Variants in BOLL observed in about 807,000 individuals in gnomAD.
BOLL encodes protein boule-like.
A neutral mutation model predicts 44.4 loss-of-function variants in BOLL; 23 were observed. The ratio of observed to expected loss-of-function variants is 0.52; its 90% CI spans 0.37 to 0.73. The LOEUF is 0.73. BOLL is among the 30% of genes least tolerant of loss of function. The pLI is 0.00. For missense variants in BOLL, 287 were observed against 338.3 expected (o/e 0.85, Z 1.19); for synonymous variants, 97 against 110.8 (o/e 0.88, Z 0.78).
chr2:197,728,538 A>G lies in BOLL; in HGVS notation c.*17T>C, dbSNP rs758757227. 1.2e-5 allele frequency: 20 copies of G among 1,613,938 alleles called. No individual in the cohort carries two copies. The highest frequency in any genetic ancestry group is 4.2e-6 in the Non-Finnish European group (5 of 1,179,890). ...GACAAGAAATCAGTTGAGCTGGAAT[A>G]GAGCTGCCCAATTGTCTTAATAATG... On this transcript the variant is annotated 3_prime_UTR_variant, in exon 11 of 11. Transcript: ENST00000392296.
At chr2:197,783,244 C>G (rs1170327875) in intron 1 of BOLL, among the ~76,000 whole-genome samples, 1 of 152,090 alleles carries the variant, frequency 6.6e-6, no homozygotes, top group Non-Finnish European at 1.5e-5. Flanking sequence ...TGCTTGAGAT[C>G]AGGAGTTCGA....
chr2:197,736,183 A>G (rs1687477301), intron 10 of BOLL, among the ~76,000 whole-genome samples: 2 of 152,170 alleles, frequency 1.3e-5, no homozygotes. Flanking sequence ...TGATAAGGGC[A>G]TATCACCTCT....
chr2:197,732,132 C>T lies in BOLL; in HGVS notation c.829-3554G>A, dbSNP rs1043973016. On this transcript the variant is annotated intron_variant, in intron 10 of 10. Coordinates refer to ENST00000392296, the MANE Select transcript of BOLL (RefSeq NM_033030.6). ...ATAAAAAATGATAAAGGGGATATCA[C>T]CACCGAGCCCACAGAAATACAAACT... 1.8e-3 allele frequency among the ~76,000 whole-genome samples: 279 copies of T among 151,480 alleles called. 1 individual carries two copies. Among genetic ancestry groups the T allele is most frequent in the African/African-American group, 6.5e-3 (267 of 41,216 alleles).
intron 10 of BOLL, among the ~76,000 whole-genome samples, chr2:197,735,891 G>T (rs1466540354): frequency 6.6e-6 from 1 of 152,036 alleles, no homozygotes; most frequent in Admixed American, 6.6e-5. Context: ...CACCCTAGAG[G>T]TTTTCTTCTA....
chr2:197,774,691 C>T (rs1689428546), intron 5 of BOLL: 1 of 151,868 alleles, frequency 6.6e-6, no homozygotes, highest in Non-Finnish European at 1.5e-5. Context: ...TTGCAAGTAA[C>T]AACAGTAGAT....
intron 9 of BOLL, among the ~76,000 whole-genome samples, chr2:197,750,717 TG>T (rs566024887): frequency 4.6e-5 from 7 of 152,178 alleles, no homozygotes; most frequent in Non-Finnish European, 1.0e-4. Context: ...AACACCCCAC[TG>T]TCAATATTAG....
At chr2:197,758,460 C>T (rs996824699) in intron 7 of BOLL, among the ~76,000 whole-genome samples, 12 of 152,090 alleles carry the variant, frequency 7.9e-5, no homozygotes, top group African/African-American at 2.9e-4. Flanking sequence ...CCAGAATAGG[C>T]AAATCTAGAA....
chr2:197,734,895 G>C (rs1329636602), intron 10 of BOLL, among the ~76,000 whole-genome samples: 2 of 152,008 alleles, frequency 1.3e-5, no homozygotes, highest in Non-Finnish European at 2.9e-5. Flanking sequence ...CATGGCACAC[G>C]TATACATATG....
At chr2:197,768,989 C>T (rs1689115857) in intron 6 of BOLL, among the ~76,000 whole-genome samples, 1 of 151,590 alleles carries the variant, frequency 6.6e-6, no homozygotes, top group East Asian at 1.9e-4. Context: ...GTTGAACCAG[C>T]CTTGCATCCC....
chr2:197,783,874 T>C (rs1044409909), intron 1 of BOLL, among the ~76,000 whole-genome samples: 16 of 152,202 alleles, frequency 1.1e-4, no homozygotes, highest in African/African-American at 3.4e-4. Flanking sequence ...ACCTATTTGC[T>C]AAATTTAAAA....
At chr2:197,771,823 A>T (rs772702045) in intron 6 of BOLL, 32 bp downstream of exon 6, 11 of 1,512,790 alleles carry the variant, frequency 7.3e-6, no homozygotes, top group Middle Eastern at 3.4e-4. Flanking sequence ...ATAGTAATAG[A>T]TGGAAATCCT....
intron 10 of BOLL, among the ~76,000 whole-genome samples, chr2:197,738,687 G>T (rs1014431533): frequency 5.9e-5 from 9 of 152,084 alleles, no homozygotes; most frequent in African/African-American, 1.7e-4. Context: ...TAACATTCAT[G>T]AGTTGTAATC....
At chr2:197,743,982 T>A (rs1687878562) in intron 9 of BOLL, among the ~76,000 whole-genome samples, 2 of 152,104 alleles carry the variant, frequency 1.3e-5, no homozygotes, top group Non-Finnish European at 2.9e-5. Flanking sequence ...GCTAATTTTT[T>A]GTATTTTTAG....
intron 1 of BOLL, among the ~76,000 whole-genome samples, chr2:197,782,157 A>G (rs961958858): frequency 2.6e-5 from 4 of 152,216 alleles, no homozygotes; most frequent in African/African-American, 9.6e-5. Flanking sequence ...GGGGAATATT[A>G]AACTCATGAA....
upstream of BOLL, chr2:197,786,163 C>T (rs1170945742): frequency 4.6e-6 from 5 of 1,079,282 alleles, no homozygotes; most frequent in African/African-American, 5.0e-5. This position sits in a 1 kb window ranked among gnomAD's most constrained non-coding sequence, Gnocchi z 5.9. Flanking sequence ...GCTCGGACCC[C>T]GGCCCTGAAC....
intron 6 of BOLL, among the ~76,000 whole-genome samples, chr2:197,769,904 T>A (rs1033675671): frequency 6.6e-6 from 1 of 152,080 alleles, no homozygotes; most frequent in South Asian, 2.1e-4. Flanking sequence ...AGAATCAATA[T>A]TGTGAAAATG....
chr2:197,735,083 A>G lies in BOLL; in HGVS notation c.829-6505T>C, dbSNP rs529824334. On this transcript the variant is annotated intron_variant, in intron 10 of 10. Coordinates refer to ENST00000392296, the MANE Select transcript of BOLL (RefSeq NM_033030.6). Reference sequence around the variant, plus strand: ...ATTGAGATAACTATTTCCAGGTTACATGATACATTTGAGGTAAAAGTTACT... The same window carrying G: ...ATTGAGATAACTATTTCCAGGTTACGTGATACATTTGAGGTAAAAGTTACT... Among the ~76,000 whole-genome samples, 14 of 152,296 alleles carry G rather than the reference A, an allele frequency of 9.2e-5. No individual in the cohort carries two copies. In the East Asian group the frequency reaches 2.7e-3, roughly 29 times the overall value.
chr2:197,731,678 A>C (rs1300170451), intron 10 of BOLL, among the ~76,000 whole-genome samples: 11 of 151,724 alleles, frequency 7.3e-5, no homozygotes, highest in East Asian at 1.9e-4. Context: ...AACTGCTCAA[A>C]TACATGGAAA....
At chr2:197,784,232 T>G (rs1689934627) in intron 1 of BOLL, among the ~76,000 whole-genome samples, 1 of 151,494 alleles carries the variant, frequency 6.6e-6, no homozygotes, top group Admixed American at 6.6e-5. Flanking sequence ...GAAGTTTTGC[T>G]TTTTTCATGG....
Sources: allele counts gnomAD v4.1 joint callset (sites outside exome capture counted in the v4.1 genomes callset), GRCh38; gene constraint gnomAD v4.1.1; non-coding constraint Gnocchi (gnomAD v3.1); transcripts MANE v1.5; gene names NCBI Gene and HGNC (gene_info 2026-07-23, HGNC 2026-07-21).